The following ZYG11B variants were observed in gnomAD, a reference collection of about 807,000 sequenced individuals.
ZYG11B encodes protein zyg-11 homolog B.
Under a neutral mutation model 82.4 loss-of-function variants are expected in ZYG11B, and 36 were observed. That is an observed-to-expected ratio of 0.44 (90% CI 0.33 to 0.58). The LOEUF is 0.58. ZYG11B is among the 20% of genes least tolerant of loss of function. The pLI, the probability that ZYG11B is intolerant of heterozygous loss-of-function variation, is 0.02. For synonymous variants in ZYG11B, 303 were observed against 312.8 expected (o/e 0.97, Z 0.33); for missense variants, 552 against 895.6 (o/e 0.62, Z 4.90).
At chr1:52,756,322 TTACACAG>T (rs1644576184) in intron 1 of ZYG11B, 129 bp from the exon 2 acceptor site, 1 of 759,858 alleles carries the variant, frequency 1.3e-6, no homozygotes, top group Non-Finnish European at 2.1e-6. Context: ...TTCCACTGCC[TTACACAG>T]TGTCTAGCAT....
intron 1 of ZYG11B, among the ~76,000 whole-genome samples, chr1:52,735,362 T>A (rs1644370776): frequency 6.6e-6 from 1 of 152,178 alleles, no homozygotes; most frequent in South Asian, 2.1e-4. Flanking sequence ...TGAAGAACAA[T>A]ATGTCTTCAG....
At position 52,825,560 on chromosome 1, in the gene ZYG11B, C is replaced by T. The variant is rs532323387; in HGVS notation, c.*3931C>T. The stretch of plus-strand genomic sequence containing the variant: ...AATCAAGTTTTATGTTTAAAACCAT[C>T]GGTTCTATATATCTAGCTTTAGGAA... On this transcript the variant is annotated 3_prime_UTR_variant, in exon 14 of 14. Transcript: ENST00000294353. 1.0e-4 allele frequency: 15 copies of T among 150,410 alleles called. No homozygotes were observed. The highest frequency in any genetic ancestry group is 3.7e-4 in the African/African-American group (15 of 40,900). The allele number at this position is 150,410 out of a possible 1,614,324, so 9.3% of individuals were successfully genotyped here. A position where few individuals can be genotyped will look rare whatever the true frequency, so the allele number is the denominator to read the frequency against.
rs570657059 is a variant in ZYG11B, at chr1:52,748,196, A to G, written c.31-8262A>G. On this transcript the variant is annotated intron_variant, in intron 1 of 13. Coordinates refer to ENST00000294353, the MANE Select transcript of ZYG11B (RefSeq NM_024646.3). ...TTATTTTCCTCATCTTTAAAATGCA[A>G]TAATGTAATTGTGCTTGGCTCAGGA... Among the ~76,000 whole-genome samples the G allele has an allele frequency of 3.9e-5, 6 of 152,294 alleles. No homozygotes were observed. In the East Asian group the frequency reaches 7.7e-4, roughly 20 times the overall value.
rs141205170 is a variant in ZYG11B, at chr1:52,789,238, T to A, written c.1270-765T>A. Among the ~76,000 whole-genome samples the A allele has an allele frequency of 2.9e-3, 436 of 152,338 alleles. 1 individual carries two copies. Among genetic ancestry groups the A allele is most frequent in the African/African-American group, 9.6e-3 (400 of 41,570 alleles). The stretch of plus-strand genomic sequence containing the variant: ...TCTGTTTTTCTATTTCTTGACTAGC[T>A]GTATATATCCCATTAACTGACTTTT... On this transcript the variant is annotated intron_variant, in intron 5 of 13. Transcript: ENST00000294353.
chr1:52,816,650 A>G (rs1256557857), intron 13 of ZYG11B, 21 bp downstream of exon 13: 5 of 1,544,702 alleles, frequency 3.2e-6, no homozygotes, highest in African/African-American at 1.4e-5. Context: ...AAAAAAAAGA[A>G]CTGTGTTTTT....
At chr1:52,748,015 A>C (rs956725785) in intron 1 of ZYG11B, among the ~76,000 whole-genome samples, 1 of 152,352 alleles carries the variant, frequency 6.6e-6, no homozygotes, top group South Asian at 2.1e-4. Flanking sequence ...AGCACATAGC[A>C]TATATTAGCA....
Position 52,771,429 on chromosome 1 carries a change from T to G in ZYG11B, c.606T>G (p.Thr202=). The change falls in exon 3 of 14, where the codon ACT becomes ACG. Residue 202 remains threonine (T), a synonymous_variant. Transcript: ENST00000294353. This position sits in a 1 kb window ranked among gnomAD's most constrained non-coding sequence, Gnocchi z 5.4. ...CTAACACCTCAATCACAGACATCAC[T>G]GCTCTACTGGCCTGCAAAGACCGAC... ...DISNTSITDI[T]ALLACKDRLK... The G allele has an allele frequency of 8.7e-6, 14 of 1,614,052 alleles. No individual in the cohort carries two copies. The highest frequency in any genetic ancestry group is 1.3e-5 in the African/African-American group (1 of 75,068).
intron 2 of ZYG11B, among the ~76,000 whole-genome samples, chr1:52,764,673 A>G (rs1644665497): frequency 6.6e-6 from 1 of 152,174 alleles, no homozygotes; most frequent in Non-Finnish European, 1.5e-5. Context: ...CCAGTGGGAG[A>G]CACAATTAGG....
At chr1:52,774,101 G>A (rs1440279337) in intron 3 of ZYG11B, among the ~76,000 whole-genome samples, 2 of 151,234 alleles carry the variant, frequency 1.3e-5, no homozygotes, top group African/African-American at 4.9e-5. Context: ...TGATTGCAGT[G>A]TCCAGCCAAA....
intron 1 of ZYG11B, among the ~76,000 whole-genome samples, chr1:52,740,434 C>T (rs1644414087): frequency 6.6e-6 from 1 of 152,136 alleles, no homozygotes; most frequent in Non-Finnish European, 1.5e-5. Context: ...CTAGGAGTCT[C>T]CAAAGAGTAG....
chr1:52,727,298 G>C (rs890642662), intron 1 of ZYG11B, among the ~76,000 whole-genome samples: 1 of 152,030 alleles, frequency 6.6e-6, no homozygotes, highest in African/African-American at 2.4e-5. Flanking sequence ...GCTGTAGGGC[G>C]GGCAGATAGG....
chr1:52,781,114 C>A (rs759550858), intron 4 of ZYG11B, among the ~76,000 whole-genome samples: 23 of 152,126 alleles, frequency 1.5e-4, no homozygotes, highest in Admixed American at 3.3e-4. Flanking sequence ...CCAGCATGAG[C>A]AACAGAGCAA....
intron 4 of ZYG11B, among the ~76,000 whole-genome samples, chr1:52,781,607 T>C (rs957480181): frequency 6.6e-6 from 1 of 152,200 alleles, no homozygotes; most frequent in Non-Finnish European, 1.5e-5. Context: ...CCAAGATAAT[T>C]CCAAGGTAAT....
chr1:52,730,282 G>A (rs1370839028), intron 1 of ZYG11B, among the ~76,000 whole-genome samples: 2 of 152,042 alleles, frequency 1.3e-5, no homozygotes, highest in African/African-American at 2.4e-5. Flanking sequence ...TGTGACCTCT[G>A]GCATTTTTCA....
chr1:52,764,362 T>C (rs1644663076), intron 2 of ZYG11B, among the ~76,000 whole-genome samples: 1 of 151,878 alleles, frequency 6.6e-6, no homozygotes. Context: ...CTCAAACTCC[T>C]GACCTCAGGT....
chr1:52,749,645 C>T (rs1644504873), intron 1 of ZYG11B, among the ~76,000 whole-genome samples: 1 of 152,004 alleles, frequency 6.6e-6, no homozygotes, highest in Admixed American at 6.6e-5. Flanking sequence ...CTCTCGTCGC[C>T]CAGGCTGGAG....
At chr1:52,793,934 T>A (rs1459262041) in intron 6 of ZYG11B, among the ~76,000 whole-genome samples, 1 of 151,288 alleles carries the variant, frequency 6.6e-6, no homozygotes, top group East Asian at 2.0e-4. Flanking sequence ...TAGTTTTCTT[T>A]GTTTTCTTCC....
intron 2 of ZYG11B, among the ~76,000 whole-genome samples, chr1:52,766,912 G>A (rs2149935663): frequency 6.6e-6 from 1 of 152,126 alleles, no homozygotes; most frequent in Non-Finnish European, 1.5e-5. Context: ...AGAGGCTGAG[G>A]CGGGAGAATG....
intron 6 of ZYG11B, among the ~76,000 whole-genome samples, chr1:52,795,533 T>G (rs754218274): frequency 6.6e-6 from 1 of 152,134 alleles, no homozygotes; most frequent in Non-Finnish European, 1.5e-5. Flanking sequence ...CTCACTGACC[T>G]CCATGCTATT....
Sources: allele counts gnomAD v4.1 joint callset (sites outside exome capture counted in the v4.1 genomes callset), GRCh38; gene constraint gnomAD v4.1.1; non-coding constraint Gnocchi (gnomAD v3.1); transcripts MANE v1.5; gene names NCBI Gene and HGNC (gene_info 2026-07-23, HGNC 2026-07-21).